The following AFF3 variants were observed in gnomAD, a reference collection of about 807,000 sequenced individuals.
The protein encoded by AFF3 is AF4/FMR2 family member 3.
AFF3 carries 32 observed loss-of-function variants against 129.7 expected under a neutral mutation model. The observed-to-expected ratio is 0.25, with a 90% CI of 0.19 to 0.33. The LOEUF is 0.33. Among genes scored for constraint, AFF3 ranks in the 10% least tolerant of loss-of-function variants. AFF3 has a pLI of 1.00. For missense variants in AFF3, 1,373 were observed against 1,592.0 expected, an observed-to-expected ratio of 0.86 and a Z score of 2.34; for synonymous variants, 644 against 635.4, an observed-to-expected ratio of 1.01 and a Z score of -0.20.
intron 7 of AFF3, among the ~76,000 whole-genome samples, chr2:100,003,776 A>G (rs554910138): frequency 4.3e-4 from 66 of 152,328 alleles, no homozygotes; most frequent in African/African-American, 1.6e-3. Flanking sequence ...GGGATTCAAA[A>G]TTTCCAAATT....
At chr2:99,805,163 T>C (rs892968200) in intron 8 of AFF3, among the ~76,000 whole-genome samples, 1 of 152,208 alleles carries the variant, frequency 6.6e-6, no homozygotes, top group African/African-American at 2.4e-5. Context: ...ACAAAAGTCA[T>C]CACCCAGCTG....
At chr2:99,659,721 C>T (rs1394101718) in intron 12 of AFF3, among the ~76,000 whole-genome samples, 2 of 152,094 alleles carry the variant, frequency 1.3e-5, no homozygotes, top group Non-Finnish European at 2.9e-5. Context: ...ATGAGGCGAT[C>T]GTATGCACAC....
In AFF3 at chr2:99,671,861, G is replaced by A. The variant is rs1687171860; in HGVS notation, c.1143+677C>T. On this transcript the variant is annotated intron_variant, in intron 12 of 24. Transcript: ENST00000672756. Reference sequence around the variant, plus strand: ...CATTTCTTGAAATGCAGAAGTGAAAGTGATGAATGTTAAGTGGATATTTTT... The same window carrying A: ...CATTTCTTGAAATGCAGAAGTGAAAATGATGAATGTTAAGTGGATATTTTT... 2.0e-5 allele frequency among the ~76,000 whole-genome samples: 3 copies of A among 152,262 alleles called. No individual in the cohort carries two copies. In the South Asian group the frequency reaches 6.2e-4, roughly 32 times the overall value.
chr2:99,551,691 T>A, intron 24 of AFF3, 96 bp from the exon 25 acceptor site: 1 of 1,474,296 alleles, frequency 6.8e-7, no homozygotes, highest in Non-Finnish European at 9.3e-7. Flanking sequence ...ATGGTCTCTA[T>A]ATAAATCAAG....
intron 7 of AFF3, among the ~76,000 whole-genome samples, chr2:99,924,992 C>G (rs1030891731): frequency 6.6e-6 from 1 of 151,920 alleles, no homozygotes; most frequent in African/African-American, 2.4e-5. Context: ...CCTTCCACCT[C>G]AGCCACCTGA....
intron 7 of AFF3, among the ~76,000 whole-genome samples, chr2:99,922,969 A>T (rs1176612431): frequency 6.6e-6 from 1 of 152,212 alleles, no homozygotes; most frequent in African/African-American, 2.4e-5. Context: ...TACTACATTC[A>T]TGCTTATGCC....
At chr2:99,903,916 A>AGAC (rs1348811122) in intron 7 of AFF3, among the ~76,000 whole-genome samples, 1 of 152,194 alleles carries the variant, frequency 6.6e-6, no homozygotes, top group African/African-American at 2.4e-5. Flanking sequence ...CATTCCCAGT[A>AGAC]GACAGCCCTT....
At chr2:100,059,450 AAAGTCT>A (rs1687071494) in intron 4 of AFF3, among the ~76,000 whole-genome samples, 1 of 152,084 alleles carries the variant, frequency 6.6e-6, no homozygotes, top group Non-Finnish European at 1.5e-5. Flanking sequence ...ACATAATTAA[AAAGTCT>A]TAGTGAGGCT....
rs558526713 is a variant in AFF3 at position 99,715,627 on chromosome 2, G to C, written c.1091+11450C>G. On this transcript the variant is annotated intron_variant, in intron 11 of 24. Transcript: ENST00000672756. Reference sequence around the variant, plus strand: ...TTTTGTTTATTTTTTCCTCCGAGGAGTTCAACACTCTCTGTTTATTTCTGA... The same window carrying C: ...TTTTGTTTATTTTTTCCTCCGAGGACTTCAACACTCTCTGTTTATTTCTGA... Among the ~76,000 whole-genome samples the C allele has an allele frequency of 2.6e-5, 4 of 151,256 alleles. No homozygotes were observed. In the South Asian group the frequency reaches 8.4e-4, roughly 32 times the overall value.
intron 7 of AFF3, among the ~76,000 whole-genome samples, chr2:99,990,537 T>G (rs1680248516): frequency 6.6e-6 from 1 of 152,206 alleles, no homozygotes; most frequent in Non-Finnish European, 1.5e-5. Context: ...CGTTTGTCCA[T>G]AAATTGTTTG....
chr2:100,132,007 G>A (rs927085684), intron 1 of AFF3, among the ~76,000 whole-genome samples: 5 of 152,058 alleles, frequency 3.3e-5, no homozygotes, highest in Admixed American at 6.6e-5. Flanking sequence ...AGGGAGGACC[G>A]GCCCGCCACA....
chr2:99,788,960 G>A (rs1685002200), intron 8 of AFF3, among the ~76,000 whole-genome samples: 1 of 152,172 alleles, frequency 6.6e-6, no homozygotes, highest in Non-Finnish European at 1.5e-5. Flanking sequence ...TCTGGCCTAG[G>A]AGCAACAGAC....
intron 4 of AFF3, among the ~76,000 whole-genome samples, chr2:100,092,576 GCTGCT>G (rs1447255523): frequency 6.6e-6 from 1 of 152,240 alleles, no homozygotes; most frequent in East Asian, 1.9e-4. Flanking sequence ...CCCTCTGAGA[GCTGCT>G]CCCAGCTCCA....
chr2:100,038,385 A>G (rs577871202), intron 4 of AFF3, among the ~76,000 whole-genome samples: 104 of 151,854 alleles, frequency 6.8e-4, no homozygotes, highest in Middle Eastern at 3.4e-3. Context: ...AAAAAAAAAA[A>G]GGGCTCATTT....
rs879930060 is a variant in AFF3, at chr2:99,545,717, AACAC to A, written c.*5753_*5756del. ...GCTGTAAGAGGTGGATTTTCAAAGT[AACAC>A]ACAGAGATTTAATCCCTTGATTCCC... is the stretch of plus-strand genomic sequence containing the variant. On this transcript the variant is annotated 3_prime_UTR_variant, in exon 25 of 25. Transcript: ENST00000672756. 1.8e-4 allele frequency: 31 copies of A among 169,346 alleles called. No homozygotes were observed. Among genetic ancestry groups the A allele is most frequent in the Admixed American group, 2.6e-4 (4 of 15,632 alleles). The allele number at this position is 169,346 out of a possible 1,614,324, so 10.5% of individuals were successfully genotyped here.
intron 14 of AFF3, among the ~76,000 whole-genome samples, chr2:99,598,694 C>T (rs1204791162): frequency 1.3e-5 from 2 of 152,146 alleles, no homozygotes; most frequent in African/African-American, 2.4e-5. Flanking sequence ...GTCTGAGCAG[C>T]GGAATGTGAG....
rs551831906 is a variant in AFF3, at chr2:99,952,659, C to T, written c.873+53973G>A. On this transcript the variant is annotated intron_variant, in intron 7 of 24. Transcript: ENST00000672756. ...ACTTATATAAAAATTATATTAAAAA[C>T]TCATCTTAACGATACTATTTATGAT... 5.3e-5 allele frequency among the ~76,000 whole-genome samples: 8 copies of T among 152,226 alleles called. No homozygotes were observed. In the South Asian group the frequency reaches 1.5e-3, roughly 28 times the overall value.
At chr2:99,729,732 T>C (rs78824929) in intron 10 of AFF3, among the ~76,000 whole-genome samples, 1 of 151,888 alleles carries the variant, frequency 6.6e-6, no homozygotes, top group Non-Finnish European at 1.5e-5. Flanking sequence ...TTTTTTTTTT[T>C]AGTTGGGTGT....
At chr2:99,768,005 A>G (rs1345961116) in intron 8 of AFF3, among the ~76,000 whole-genome samples, 1 of 152,220 alleles carries the variant, frequency 6.6e-6, no homozygotes, top group Non-Finnish European at 1.5e-5. Flanking sequence ...AGCCACATGC[A>G]GGGCTCAGGG....
Sources: gnomAD v4.1 joint callset for allele counts (sites outside exome capture counted in the v4.1 genomes callset) on GRCh38, gnomAD v4.1.1 for gene constraint, MANE v1.5 for transcripts, NCBI Gene and HGNC (gene_info 2026-07-23, HGNC 2026-07-21) for gene names.